PNPLA7: variants seen among roughly 807,000 people sequenced by gnomAD.
The protein encoded by PNPLA7 is patatin-like phospholipase domain-containing protein 7.
In PNPLA7, 153 loss-of-function variants were observed where a neutral mutation model predicts 161.7. That is an observed-to-expected ratio of 0.95 (90% CI 0.83 to 1.08). PNPLA7 has a LOEUF of 1.08. Ranked by LOEUF, PNPLA7 falls within the 50% of genes least tolerant of loss-of-function variation. The pLI is 0.00. For missense variants in PNPLA7, 1,739 were observed against 1,856.6 expected (o/e 0.94, Z 1.16); for synonymous variants, 809 against 782.1 (o/e 1.03, Z -0.57).
intron 28 of PNPLA7, among the ~76,000 whole-genome samples, chr9:137,463,765 T>C (rs1468314899): frequency 6.6e-6 from 1 of 152,006 alleles, no homozygotes; most frequent in Non-Finnish European, 1.5e-5. Flanking sequence ...ACCCCAGGAC[T>C]GAGGGAGCCC....
rs1452832368 is a variant in PNPLA7, at chr9:137,484,675, G to A, written c.2259C>T (p.Asn753=). 6 of 1,612,476 alleles carry A rather than the reference G, an allele frequency of 3.7e-6. No individual in the cohort carries two copies. Among genetic ancestry groups the A allele is most frequent in the Non-Finnish European group, 4.2e-6 (5 of 1,179,380 alleles). Residue 753 remains asparagine (N), a synonymous_variant, in exon 21 of 35, where the codon AAC becomes AAT. Transcript: ENST00000406427. ...SKWDLGNPAV[N]LSTVAVMPVS... is the part of the protein sequence containing the mutation. ...CGGGCATCACTGCCACCGTGGACAG[G>A]TTGACAGCCGGGTTCCCCAAGTCCC... is the stretch of plus-strand genomic sequence containing the variant.
At chr9:137,485,548 C>T (rs1832436380) in intron 20 of PNPLA7, among the ~76,000 whole-genome samples, 1 of 152,244 alleles carries the variant, frequency 6.6e-6, no homozygotes, top group African/African-American at 2.4e-5. Context: ...CTGAACCAAT[C>T]GTCGCAGGGC....
chr9:137,521,309 G>T (rs1295432858), intron 10 of PNPLA7, among the ~76,000 whole-genome samples: 1 of 152,230 alleles, frequency 6.6e-6, no homozygotes, highest in African/African-American at 2.4e-5. Flanking sequence ...CCAGGCGGCT[G>T]TTCACAACCG....
chr9:137,548,940 G>A (rs1836691807), intron 1 of PNPLA7, among the ~76,000 whole-genome samples: 1 of 152,226 alleles, frequency 6.6e-6, no homozygotes, highest in Non-Finnish European at 1.5e-5. Flanking sequence ...ACCAGGTGGG[G>A]AGCAGAGAAG....
At position 137,543,517 on chromosome 9, in the gene PNPLA7, A is replaced by G; in HGVS notation, c.421T>C (p.Ser141Pro). The change falls in exon 6 of 35, where the codon TCC becomes CCC. Residue 141 changes from serine (S) to proline (P), a missense_variant. Physicochemically the swap from Ser to Pro is moderately conservative, Grantham distance 74. Transcript: ENST00000406427. The surrounding 1 kb of genome is among the most constrained non-coding windows in gnomAD (Gnocchi z 6.9). ...PALQPKEPPP[S>P]LLEADLTEFD... is the part of the protein sequence containing the mutation. ...TCCGTGAGGTCGGCCTCCAGCAGGGAGGGCGGGGGCTCCTTGGGCTGCAGG... is the reference window on the plus strand; with the variant it reads ...TCCGTGAGGTCGGCCTCCAGCAGGGGGGGCGGGGGCTCCTTGGGCTGCAGG... The G allele has an allele frequency of 1.2e-6, 2 of 1,613,994 alleles. No individual in the cohort carries two copies. Among genetic ancestry groups the G allele is most frequent in the Non-Finnish European group, 1.7e-6 (2 of 1,179,982 alleles).
intron 14 of PNPLA7, among the ~76,000 whole-genome samples, chr9:137,503,106 G>A (rs1833588578): frequency 6.6e-6 from 1 of 152,052 alleles, no homozygotes; most frequent in Admixed American, 6.5e-5. Flanking sequence ...GACTGGCTGG[G>A]TACAGTGGCT....
At chr9:137,488,846 C>T (rs1256097933) in intron 20 of PNPLA7, among the ~76,000 whole-genome samples, 1 of 150,518 alleles carries the variant, frequency 6.6e-6, no homozygotes, top group African/African-American at 2.5e-5. Flanking sequence ...CACCCCCTGA[C>T]CAGCAGACAT....
At position 137,541,354 on chromosome 9, in the gene PNPLA7, T is replaced by A. The variant is rs965508080; in HGVS notation, c.667-632A>T. On this transcript the variant is annotated intron_variant, in intron 7 of 34. Transcript: ENST00000406427. This position sits in a 1 kb window ranked among gnomAD's most constrained non-coding sequence, Gnocchi z 4.4. ...ATCCCCAGGAGCTACTGGCTCCAGCTTCCCCCAAGCCCCTTTCCCTTCTAA... is the reference window on the plus strand; with the variant it reads ...ATCCCCAGGAGCTACTGGCTCCAGCATCCCCCAAGCCCCTTTCCCTTCTAA... 1.1e-6 allele frequency: 1 copy of A among 930,760 alleles called. No individual in the cohort carries two copies. Among genetic ancestry groups the A allele is most frequent in the Non-Finnish European group, 1.3e-6 (1 of 780,176 alleles). 57.7% of individuals were successfully genotyped at this position (930,760 alleles called of 1,614,324 possible). A position where few individuals can be genotyped will look rare whatever the true frequency, so the allele number is the denominator to read the frequency against.
Position 137,501,684 on chromosome 9 carries a change from G to C in PNPLA7, c.1517C>G (p.Pro506Arg). 1 of 1,612,624 alleles carries C rather than the reference G, an allele frequency of 6.2e-7. No individual in the cohort carries two copies. The highest frequency in any genetic ancestry group is 8.5e-7 in the Non-Finnish European group (1 of 1,179,888). The change falls in exon 15 of 35, where the codon CCT (proline) becomes CGT (arginine). Residue 506 changes from proline (P) to arginine (R), a missense_variant. Coordinates refer to ENST00000406427, the MANE Select transcript of PNPLA7 (RefSeq NM_001098537.3). The stretch of plus-strand genomic sequence containing the variant: ...CTGCCTTGACACCACCGTGCCTGCA[G>C]GAACGTGCAGAAGCGCCACCCGGCC... ...LDGRVALLHV[P>R]AGTVVSRQGD... is the part of the protein sequence containing the mutation.
In PNPLA7 at chr9:137,461,364, C is replaced by T. The variant is rs553719801; in HGVS notation, c.3841+172G>A. 6.9e-5 allele frequency: 46 copies of T among 670,014 alleles called. No homozygotes were observed. The African/African-American group carries it at 7.1e-4, about 10-fold the overall frequency. The allele number at this position is 670,014 out of a possible 1,614,324, so 41.5% of individuals were successfully genotyped here. ...GGTCACAGTCCCACTGCTGTGGGAACACGTGGTGCCCGGGACGGAGGAGTG... is the reference window on the plus strand; with the variant it reads ...GGTCACAGTCCCACTGCTGTGGGAATACGTGGTGCCCGGGACGGAGGAGTG... On this transcript the variant is annotated intron_variant, in intron 33 of 34. Coordinates refer to ENST00000406427, the MANE Select transcript of PNPLA7 (RefSeq NM_001098537.3).
intron 25 of PNPLA7, among the ~76,000 whole-genome samples, chr9:137,473,381 G>A (rs1831801574): frequency 6.6e-6 from 1 of 152,148 alleles, no homozygotes; most frequent in Non-Finnish European, 1.5e-5. Context: ...TCTTCTAGAA[G>A]AAGATGAAGA....
chr9:137,502,712 C>CGA (rs1833529242), intron 14 of PNPLA7, among the ~76,000 whole-genome samples: 1 of 8,218 alleles, frequency 1.2e-4, no homozygotes. Flanking sequence ...GCGGGGGACG[C>CGA]GGGGGACGCG....
Position 137,515,364 on chromosome 9 carries a change from G to A in PNPLA7, c.1225+15C>T, listed in dbSNP as rs755860130. On this transcript the variant is annotated intron_variant, in intron 12 of 34. Coordinates refer to ENST00000406427, the MANE Select transcript of PNPLA7 (RefSeq NM_001098537.3). Reference sequence around the variant, plus strand: ...TGTGGGTCACACTGGCTGGGCAGCCGTCGAGGTTCTTTACCTTGTGGGGCC... The same window carrying A: ...TGTGGGTCACACTGGCTGGGCAGCCATCGAGGTTCTTTACCTTGTGGGGCC... 1.1e-5 allele frequency: 17 copies of A among 1,595,030 alleles called. No individual in the cohort carries two copies. The highest frequency in any genetic ancestry group is 2.7e-5 in the African/African-American group (2 of 74,568).
intron 20 of PNPLA7, among the ~76,000 whole-genome samples, chr9:137,487,048 A>G (rs1315894703): frequency 7.0e-6 from 1 of 143,432 alleles, no homozygotes; most frequent in Non-Finnish European, 1.5e-5. Flanking sequence ...ACTCGACTGC[A>G]GCTCTAGGAG....
At chr9:137,545,479 A>G (rs989906241) in intron 4 of PNPLA7, among the ~76,000 whole-genome samples, 3 of 152,196 alleles carry the variant, frequency 2.0e-5, no homozygotes, top group African/African-American at 7.2e-5. Flanking sequence ...GTTCTCACTT[A>G]TTGTTAAAAT....
intron 11 of PNPLA7, among the ~76,000 whole-genome samples, chr9:137,518,616 CA>C (rs1269107748): frequency 1.8e-4 from 12 of 67,930 alleles, no homozygotes; most frequent in Admixed American, 2.8e-4. Flanking sequence ...CTCCATCCCC[CA>C]CTCACTCACT....
chr9:137,463,309 T>C, intron 29 of PNPLA7, 106 bp downstream of exon 29: 1 of 1,048,128 alleles, frequency 9.5e-7, no homozygotes, highest in Non-Finnish European at 1.4e-6. Context: ...GGAAAACGTG[T>C]TCCAGCCCAG....
intron 26 of PNPLA7, among the ~76,000 whole-genome samples, chr9:137,465,681 G>A (rs1381897266): frequency 6.6e-6 from 1 of 152,194 alleles, no homozygotes; most frequent in Non-Finnish European, 1.5e-5. Flanking sequence ...TGCTGGGGCT[G>A]GTGGCAGCCC....
At chr9:137,519,814 G>C in intron 11 of PNPLA7, 103 bp downstream of exon 11, 1 of 1,445,620 alleles carries the variant, frequency 6.9e-7, no homozygotes, top group Non-Finnish European at 9.3e-7. Context: ...GTGTGTGGTG[G>C]CCTCAGGCAT....
Sources: allele counts gnomAD v4.1 joint callset (sites outside exome capture counted in the v4.1 genomes callset), GRCh38; gene constraint gnomAD v4.1.1; non-coding constraint Gnocchi (gnomAD v3.1); transcripts MANE v1.5; gene names NCBI Gene and HGNC (gene_info 2026-07-23, HGNC 2026-07-21).